The following CPT1B variants were observed in gnomAD, a reference collection of about 807,000 sequenced individuals.
The protein encoded by CPT1B is carnitine O-palmitoyltransferase 1, muscle isoform.
A neutral mutation model predicts 92.7 loss-of-function variants in CPT1B; 57 were observed. The observed-to-expected ratio is 0.62, with a 90% CI of 0.50 to 0.77. The LOEUF (loss-of-function observed/expected upper bound fraction) is 0.77, where lower values mean the gene tolerates loss of function less well. Ranked by LOEUF, CPT1B falls within the 30% of genes least tolerant of loss-of-function variation. CPT1B has a pLI of 0.00. For synonymous variants in CPT1B, 398 were observed against 383.5 expected (o/e 1.04, Z -0.44); for missense variants, 983 against 1,017.4 (o/e 0.97, Z 0.46).
chr22:50,575,915 C>T (rs186416484), intron 7 of CPT1B, 120 bp downstream of exon 7: 4 of 908,144 alleles, frequency 4.4e-6, no homozygotes, highest in Non-Finnish European at 7.1e-6. Context: ...GGCCTCACTC[C>T]ATAACCCCCA....
At chr22:50,577,290 G>T in intron 3 of CPT1B, 34 bp downstream of exon 3, 1 of 1,611,194 alleles carries the variant, frequency 6.2e-7, no homozygotes, top group Non-Finnish European at 8.5e-7. Flanking sequence ...GCCCTCCCTG[G>T]TGGCACCTGT....
intron 7 of CPT1B, chr22:50,575,072 G>A (rs1359714237): frequency 6.6e-6 from 1 of 152,160 alleles, no homozygotes; most frequent in African/African-American, 2.4e-5. Flanking sequence ...GGAGTGCAGT[G>A]GTGCGATCTC....
intron 13 of CPT1B, 154 bp downstream of exon 13, chr22:50,571,852 G>A: frequency 1.3e-6 from 1 of 776,134 alleles, no homozygotes; most frequent in Admixed American, 2.1e-5. Context: ...AGCCAGTTTG[G>A]ACTCTACAGG....
Position 50,573,424 on chromosome 22 carries a change from C to T in CPT1B, c.1166+96G>A. On this transcript the variant is annotated intron_variant, in intron 10 of 19. Transcript: ENST00000312108. This position sits in a 1 kb window ranked among gnomAD's most constrained non-coding sequence, Gnocchi z 5.0. Reference sequence around the variant, plus strand: ...AATGCCCCTCCCCTAGTTGTGCCTCCAGCCTCCAGTTCCAGGGTGGCAGGC... The same window carrying T: ...AATGCCCCTCCCCTAGTTGTGCCTCTAGCCTCCAGTTCCAGGGTGGCAGGC... 3.5e-6 allele frequency: 4 copies of T among 1,141,998 alleles called. 1 individual carries two copies. The East Asian group carries it at 9.7e-5, about 28-fold the overall frequency. 70.7% of individuals were successfully genotyped at this position (1,141,998 alleles called of 1,614,324 possible).
rs542156109 is a variant in CPT1B at position 50,572,753 on chromosome 22, G to C, written c.1352+122C>G. 7 of 1,106,190 alleles carry C rather than the reference G, an allele frequency of 6.3e-6. No homozygotes were observed. The East Asian group carries it at 1.5e-4, about 23-fold the overall frequency. 68.5% of individuals were successfully genotyped at this position (1,106,190 alleles called of 1,614,324 possible). On this transcript the variant is annotated intron_variant, in intron 11 of 19. Coordinates refer to ENST00000312108, the MANE Select transcript of CPT1B (RefSeq NM_152246.3). ...ACCTGCCTTGGCCCCCAAAGTGCTA[G>C]GATCACAGGTGTGTGCCACTGCACC...
chr22:50,575,901 C>A, intron 7 of CPT1B, 134 bp downstream of exon 7: 1 of 776,842 alleles, frequency 1.3e-6, no homozygotes, highest in African/African-American at 1.7e-5. Context: ...TTCCCTTTCC[C>A]TCAGGCCTCA....
intron 1 of CPT1B, 22 bp downstream of exon 1, chr22:50,578,364 C>A (rs1392987987): frequency 1.3e-5 from 2 of 152,810 alleles, no homozygotes; most frequent in Admixed American, 1.3e-4. Flanking sequence ...CCGCGGGCCG[C>A]CCTGTGCCGG....
rs554141267 is a variant in CPT1B, at chr22:50,571,356, C to T, written c.1740+19G>A. 3.0e-5 allele frequency: 49 copies of T among 1,613,656 alleles called. No individual in the cohort carries two copies. Among genetic ancestry groups the T allele is most frequent in the South Asian group, 1.6e-4 (15 of 91,060 alleles). On this transcript the variant is annotated intron_variant, in intron 14 of 19. Coordinates refer to ENST00000312108, the MANE Select transcript of CPT1B (RefSeq NM_152246.3). ...TGGTACCACCCTGCCCTCTCAGCAG[C>T]GGGAGGCGGGGCTCCTACCCGGAAG... is the stretch of plus-strand genomic sequence containing the variant.
At position 50,576,206 on chromosome 22, in the gene CPT1B, T is replaced by C; in HGVS notation, c.691A>G (p.Ser231Gly). ...CAGGGGCAGGAACTTACATAGTTAC[T>C]TGCCCACCATGACTTGAGCACCAGG... The part of the protein sequence containing the change: ...KYLVLKSWWA[S>G]NYVSDWWEEY... The change falls in exon 6 of 20, where the codon AGT becomes GGT. Residue 231 changes from serine to glycine, a missense_variant. Coordinates refer to ENST00000312108, the MANE Select transcript of CPT1B (RefSeq NM_152246.3). 2 of 1,614,100 alleles carry C rather than the reference T, an allele frequency of 1.2e-6. No individual in the cohort carries two copies. Among genetic ancestry groups the C allele is most frequent in the Non-Finnish European group, 1.7e-6 (2 of 1,180,014 alleles).
At chr22:50,577,491 G>A (rs1019726807) in intron 2 of CPT1B, 28 bp from the exon 3 acceptor site, 6 of 1,611,720 alleles carry the variant, frequency 3.7e-6, no homozygotes, top group Non-Finnish European at 5.1e-6. Flanking sequence ...CGCCCTTATG[G>A]AGCCGGAAGG....
chr22:50,575,783 C>T (rs1041957550), intron 7 of CPT1B, among the ~76,000 whole-genome samples: 3 of 152,142 alleles, frequency 2.0e-5, no homozygotes, highest in African/African-American at 2.4e-5. Context: ...GCAGTGACCC[C>T]GGGACTCTGA....
chr22:50,575,922 C>G, intron 7 of CPT1B, 113 bp downstream of exon 7: 1 of 966,880 alleles, frequency 1.0e-6, no homozygotes, highest in East Asian at 2.4e-5. Flanking sequence ...CTCCATAACC[C>G]CCACTTGCCC....
Position 50,576,976 on chromosome 22 carries a change from TGGA to T in CPT1B, c.337_339del (p.Ser113del), listed in dbSNP as rs1027400888. On this transcript the variant is annotated inframe_deletion, in exon 4 of 20. Transcript: ENST00000312108. Reference sequence around the variant, plus strand: ...AAGATGCCCGTCACCCAGACGCCCGTGGAGAAGATGGCCATGCTGAGAAGTGCC... The same window carrying T: ...AAGATGCCCGTCACCCAGACGCCCGTGAAGATGGCCATGCTGAGAAGTGCC... The T allele has an allele frequency of 5.0e-6, 8 of 1,613,946 alleles. No homozygotes were observed. The highest frequency in any genetic ancestry group is 6.8e-6 in the Non-Finnish European group (8 of 1,180,016).
rs752292581 is a variant in CPT1B at position 50,577,803 on chromosome 22, G to A, written c.113C>T (p.Ser38Phe). 4.8e-5 allele frequency: 77 copies of A among 1,613,764 alleles called. No individual in the cohort carries two copies. The highest frequency in any genetic ancestry group is 5.9e-5 in the Non-Finnish European group (70 of 1,179,886). Residue 38 changes from serine to phenylalanine, a missense_variant, in exon 2 of 20, where the codon TCC becomes TTC. Transcript: ENST00000312108. ...GATGCGGATCAGGCGTTTCTTCCAG[G>A]AGTTGATCCCAGACAGGTAGACGTG... is the stretch of plus-strand genomic sequence containing the variant. ...LKHVYLSGIN[S>F]WKKRLIRIKN...
intron 13 of CPT1B, 123 bp from the exon 14 acceptor site, chr22:50,571,662 G>T (rs1603443277): frequency 8.9e-7 from 1 of 1,119,442 alleles, no homozygotes; most frequent in Non-Finnish European, 1.3e-6. Context: ...ACATCTTCAG[G>T]AGGAGGGTAC....
At chr22:50,575,728 T>A (rs1401617894) in intron 7 of CPT1B, among the ~76,000 whole-genome samples, 1 of 152,094 alleles carries the variant, frequency 6.6e-6, no homozygotes, top group Non-Finnish European at 1.5e-5. Context: ...AGGAGGCCAG[T>A]GAGGAAACCA....
At chr22:50,572,637 C>T (rs1443002089) in intron 11 of CPT1B, among the ~76,000 whole-genome samples, 1 of 152,028 alleles carries the variant, frequency 6.6e-6, no homozygotes, top group Non-Finnish European at 1.5e-5. Context: ...ACTAGCCCTA[C>T]CCAACCACTA....
chr22:50,576,140 G>A, intron 6 of CPT1B, 28 bp from the exon 7 acceptor site: 1 of 1,614,082 alleles, frequency 6.2e-7, no homozygotes. Context: ...GTTAGAGCTG[G>A]GGCGGGTGCA....
rs2070065230 is a variant in CPT1B, at chr22:50,569,675, G to A, written c.2143-7C>T. 1.2e-6 allele frequency: 2 copies of A among 1,609,810 alleles called. No individual in the cohort carries two copies. Among genetic ancestry groups the A allele is most frequent in the South Asian group, 2.2e-5 (2 of 91,018 alleles). On this transcript the variant is annotated splice_region_variant and splice_polypyrimidine_tract_variant and intron_variant, in intron 17 of 19. Transcript: ENST00000312108. ...CATAGCCATCATCTGCTACCTGAGG[G>A]CAACAAGAAGGGTGAAGAAGGCATA...
Sources: gnomAD v4.1 joint callset for allele counts (sites outside exome capture counted in the v4.1 genomes callset) on GRCh38, gnomAD v4.1.1 for gene constraint, Gnocchi (gnomAD v3.1) non-coding constraint, MANE v1.5 for transcripts, NCBI Gene and HGNC (gene_info 2026-07-23, HGNC 2026-07-21) for gene names.